Variants in ASTN2 observed in about 807,000 individuals in gnomAD.
ASTN2 encodes astrotactin-2.
In ASTN2, 54 loss-of-function variants were observed where a neutral mutation model predicts 139.8. That is an observed-to-expected ratio of 0.39 (90% confidence interval 0.31 to 0.48). ASTN2 has a LOEUF of 0.48. Ranked by LOEUF, ASTN2 falls within the 20% of genes least tolerant of loss-of-function variation. The pLI, the probability that ASTN2 is intolerant of heterozygous loss-of-function variation, is 0.95. For synonymous variants in ASTN2, 756 were observed against 719.5 expected, an observed-to-expected ratio of 1.05 and a Z score of -0.81; for missense variants, 1,565 against 1,725.1, an observed-to-expected ratio of 0.91 and a Z score of 1.64.
chr9:116,791,019 GA>G (rs761424067), intron 13 of ASTN2, among the ~76,000 whole-genome samples: 1 of 127,816 alleles, frequency 7.8e-6, no homozygotes, highest in East Asian at 5.2e-4. Context: ...AAGAAAGAAA[GA>G]AAGAAAGAAA....
intron 1 of ASTN2, among the ~76,000 whole-genome samples, chr9:117,312,670 G>A (rs1036444110): frequency 6.6e-6 from 1 of 152,128 alleles, no homozygotes; most frequent in Admixed American, 6.6e-5. Flanking sequence ...GTCTAGTCTT[G>A]GTTCTTAAGT....
chr9:117,357,617 G>C (rs1463906719), intron 1 of ASTN2, among the ~76,000 whole-genome samples: 1 of 152,010 alleles, frequency 6.6e-6, no homozygotes, highest in Non-Finnish European at 1.5e-5. Flanking sequence ...GTCACCTTTA[G>C]TGTTATCATT....
intron 13 of ASTN2, among the ~76,000 whole-genome samples, chr9:116,776,704 C>A (rs945318732): frequency 1.3e-5 from 2 of 152,060 alleles, no homozygotes; most frequent in East Asian, 3.9e-4. Flanking sequence ...GAGGCAGGAG[C>A]TTGGAGAGTG....
At chr9:116,610,275 G>C (rs1855467347) in intron 19 of ASTN2, among the ~76,000 whole-genome samples, 1 of 152,100 alleles carries the variant, frequency 6.6e-6, no homozygotes, top group African/African-American at 2.4e-5. Context: ...CTATCTTCCA[G>C]AAACACACTT....
At chr9:117,028,401 C>T (rs1838155476) in intron 6 of ASTN2, among the ~76,000 whole-genome samples, 1 of 152,142 alleles carries the variant, frequency 6.6e-6, no homozygotes, top group African/African-American at 2.4e-5. Flanking sequence ...CAAGGCTTTG[C>T]TGGGTAGCAG....
intron 1 of ASTN2, among the ~76,000 whole-genome samples, chr9:117,309,372 G>A (rs770988646): frequency 6.6e-6 from 1 of 152,186 alleles, no homozygotes; most frequent in Non-Finnish European, 1.5e-5. Context: ...GCAAAACTGA[G>A]GTTAAAAAAG....
intron 4 of ASTN2, among the ~76,000 whole-genome samples, chr9:117,116,750 G>A (rs947616259): frequency 7.8e-6 from 1 of 127,682 alleles, no homozygotes; most frequent in African/African-American, 3.0e-5. Context: ...GGCCAGTAGA[G>A]TTATTTCCAA....
intron 1 of ASTN2, among the ~76,000 whole-genome samples, chr9:117,350,317 G>A (rs1829346680): frequency 6.6e-6 from 1 of 152,180 alleles, no homozygotes; most frequent in Admixed American, 6.5e-5. Flanking sequence ...GGGAGGCCGA[G>A]GTGGGTGGAT....
chr9:116,749,370 C>T (rs1466686030), intron 13 of ASTN2, among the ~76,000 whole-genome samples: 2 of 152,158 alleles, frequency 1.3e-5, no homozygotes, highest in Non-Finnish European at 2.9e-5. Context: ...GTCCAAGCCA[C>T]ATGAGAGAGC....
intron 1 of ASTN2, among the ~76,000 whole-genome samples, chr9:117,374,367 G>GT (rs1296272941): frequency 3.4e-4 from 32 of 95,384 alleles, no homozygotes; most frequent in Middle Eastern, 5.0e-3. Flanking sequence ...TAAGGGCAGG[G>GT]TTAAAAAAAA....
chr9:116,582,580 C>A (rs748692745), intron 19 of ASTN2: 1 of 152,222 alleles, frequency 6.6e-6, no homozygotes, highest in East Asian at 1.9e-4. Flanking sequence ...ATCTACCCAG[C>A]CACTTTTTGT....
chr9:116,699,509 C>T lies in ASTN2; in HGVS notation c.2806+26262G>A, dbSNP rs775844916. Reference sequence around the variant, plus strand: ...TGTGTGTGGATGCTCGTGGTGATCTCATCGTGGCTGACAGTAGTCGCAAGG... The same window carrying T: ...TGTGTGTGGATGCTCGTGGTGATCTTATCGTGGCTGACAGTAGTCGCAAGG... On this transcript the variant is annotated intron_variant, in intron 16 of 22. Coordinates refer to ENST00000313400, the MANE Select transcript of ASTN2 (RefSeq NM_001365068.1). The surrounding 1 kb of genome is among the most constrained non-coding windows in gnomAD (Gnocchi z 4.2). 3 of 1,613,678 alleles carry T rather than the reference C, an allele frequency of 1.9e-6. No individual in the cohort carries two copies. Among genetic ancestry groups the T allele is most frequent in the Non-Finnish European group, 1.7e-6 (2 of 1,179,928 alleles).
chr9:116,451,220 G>C (rs1490384612), intron 20 of ASTN2, among the ~76,000 whole-genome samples: 1 of 152,214 alleles, frequency 6.6e-6, no homozygotes, highest in African/African-American at 2.4e-5. Context: ...ACTGGTATGT[G>C]AGCATCTCCC....
At chr9:116,577,500 C>G (rs1181557490) in intron 19 of ASTN2, among the ~76,000 whole-genome samples, 1 of 151,212 alleles carries the variant, frequency 6.6e-6, no homozygotes, top group Non-Finnish European at 1.5e-5. Flanking sequence ...CCACCACACT[C>G]CAGCATGGGC....
At chr9:116,801,290 G>C (rs969435161) in intron 13 of ASTN2, among the ~76,000 whole-genome samples, 1 of 152,060 alleles carries the variant, frequency 6.6e-6, no homozygotes, top group Non-Finnish European at 1.5e-5. Context: ...ACTTGAAAAA[G>C]ATAAATTTAC....
At chr9:116,841,266 A>C (rs1330114425) in intron 11 of ASTN2, among the ~76,000 whole-genome samples, 3 of 152,104 alleles carry the variant, frequency 2.0e-5, no homozygotes, top group African/African-American at 4.8e-5. Flanking sequence ...AATCGCAGGC[A>C]CTCGGCAAGC....
chr9:117,028,963 G>A (rs972017243), intron 6 of ASTN2, among the ~76,000 whole-genome samples: 1 of 152,164 alleles, frequency 6.6e-6, no homozygotes, highest in Non-Finnish European at 1.5e-5. Flanking sequence ...GAGGCCTGAA[G>A]AAGTAGAGAT....
chr9:117,404,747 G>A (rs1830932722), intron 1 of ASTN2, among the ~76,000 whole-genome samples: 1 of 151,992 alleles, frequency 6.6e-6, no homozygotes, highest in African/African-American at 2.4e-5. Flanking sequence ...AGGACATAGA[G>A]CTTATACAAA....
chr9:116,750,644 G>A (rs16933879), intron 13 of ASTN2, among the ~76,000 whole-genome samples: 16,193 of 152,050 alleles, frequency 0.11, 885 homozygotes, highest in Middle Eastern at 0.15. Context: ...AGTAATATTC[G>A]CACGTGCTTT....
Sources: allele counts gnomAD v4.1 joint callset (sites outside exome capture counted in the v4.1 genomes callset), GRCh38; gene constraint gnomAD v4.1.1; non-coding constraint Gnocchi (gnomAD v3.1); transcripts MANE v1.5; gene names NCBI Gene and HGNC (gene_info 2026-07-23, HGNC 2026-07-21).